Variants in CDH13 observed in about 807,000 individuals in gnomAD.
The protein encoded by CDH13 is cadherin-13.
CDH13 carries 24 observed loss-of-function variants against 63.8 expected under a neutral mutation model. That is an observed-to-expected ratio of 0.38 (90% confidence interval 0.27 to 0.53). The LOEUF is 0.53. Ranked by LOEUF, CDH13 falls within the 20% of genes least tolerant of loss-of-function variation. The pLI is 0.85. For synonymous variants in CDH13, 503 were observed against 355.3 expected (o/e 1.42, Z -4.67); for missense variants, 1,049 against 903.1 (o/e 1.16, Z -2.07).
intron 1 of CDH13, chr16:82,723,236 AG>A (rs745735936): frequency 1.4e-4 from 21 of 152,286 alleles, no homozygotes; most frequent in Non-Finnish European, 2.9e-4. Context: ...CCGTGTATGT[AG>A]GTGGCACTCT....
chr16:83,098,528 T>C (rs2034315725), intron 3 of CDH13, among the ~76,000 whole-genome samples: 1 of 152,244 alleles, frequency 6.6e-6, no homozygotes, highest in Non-Finnish European at 1.5e-5. Context: ...TTTCTTACAA[T>C]GAGGTTCTGC....
At chr16:83,352,424 T>C (rs1174121928) in intron 6 of CDH13, among the ~76,000 whole-genome samples, 3 of 152,142 alleles carry the variant, frequency 2.0e-5, no homozygotes, top group Non-Finnish European at 4.4e-5. Flanking sequence ...TCAAAAAACT[T>C]AGAATAGAAC....
At chr16:83,794,899 C>A in intron 13 of CDH13, 124 bp from the exon 14 acceptor site, 1 of 863,658 alleles carries the variant, frequency 1.2e-6, no homozygotes, top group Non-Finnish European at 1.9e-6. Context: ...AAAATTCCCC[C>A]ATAGTCGTGT....
chr16:82,697,824 T>A (rs577531571), intron 1 of CDH13, among the ~76,000 whole-genome samples: 1 of 151,712 alleles, frequency 6.6e-6, no homozygotes, highest in Non-Finnish European at 1.5e-5. Context: ...AGCCAAATGG[T>A]TTTGAATATA....
intron 7 of CDH13, among the ~76,000 whole-genome samples, chr16:83,575,844 A>G (rs745579341): frequency 3.7e-4 from 57 of 152,318 alleles, no homozygotes; most frequent in South Asian, 6.2e-4. Context: ...TAGTTTGTGT[A>G]AGAGCAAGGT....
chr16:83,386,211 T>A (rs1009382182), intron 6 of CDH13, among the ~76,000 whole-genome samples: 2 of 152,318 alleles, frequency 1.3e-5, no homozygotes, highest in African/African-American at 4.8e-5. Flanking sequence ...ATGACAAGAA[T>A]TAACCAGCCC....
chr16:83,423,644 A>T (rs142405243), intron 6 of CDH13, among the ~76,000 whole-genome samples: 8 of 152,346 alleles, frequency 5.3e-5, no homozygotes, highest in Non-Finnish European at 1.0e-4. Flanking sequence ...ATACTCCCAG[A>T]GGCAACTGCA....
intron 6 of CDH13, among the ~76,000 whole-genome samples, chr16:83,457,344 G>C (rs1044176774): frequency 6.6e-6 from 1 of 152,028 alleles, no homozygotes; most frequent in African/African-American, 2.4e-5. Flanking sequence ...TGATCACCAT[G>C]GTGGGCAGCC....
chr16:83,384,666 AG>A (rs960497863), intron 6 of CDH13, among the ~76,000 whole-genome samples: 2 of 152,176 alleles, frequency 1.3e-5, no homozygotes, highest in African/African-American at 4.8e-5. Flanking sequence ...GGGTATGGAG[AG>A]GGGAGAGTGG....
chr16:83,128,351 C>A (rs992378918), intron 4 of CDH13, among the ~76,000 whole-genome samples: 15 of 152,176 alleles, frequency 9.9e-5, no homozygotes, highest in African/African-American at 3.6e-4. Flanking sequence ...TTTCATGTCC[C>A]ACCCCAAAAC....
At chr16:83,306,972 C>T (rs1419133123) in intron 5 of CDH13, among the ~76,000 whole-genome samples, 3 of 152,156 alleles carry the variant, frequency 2.0e-5, no homozygotes, top group Non-Finnish European at 4.4e-5. Flanking sequence ...GTTTCCTGAG[C>T]CTCTAGATAG....
chr16:83,392,305 C>A (rs1277717028), intron 6 of CDH13, among the ~76,000 whole-genome samples: 2 of 152,116 alleles, frequency 1.3e-5, no homozygotes, highest in South Asian at 4.1e-4. Context: ...GCCTCCTTAG[C>A]GCCGTGCCTC....
rs143651989 is a variant in CDH13, at chr16:82,916,176, G to T, written c.157+57703G>T. Reference sequence around the variant, plus strand: ...TTATTTGTCACTTTCAATATACATCGATTGCCATGCTTAAGATGCAATATG... The same window carrying T: ...TTATTTGTCACTTTCAATATACATCTATTGCCATGCTTAAGATGCAATATG... On this transcript the variant is annotated intron_variant, in intron 2 of 13. Coordinates refer to ENST00000567109, the MANE Select transcript of CDH13 (RefSeq NM_001257.5). Among the ~76,000 whole-genome samples, 1,076 of 152,112 alleles carry T rather than the reference G, an allele frequency of 7.1e-3. 7 individuals are homozygous for T. Among genetic ancestry groups the T allele is most frequent in the Middle Eastern group, 0.017 (5 of 294 alleles).
intron 2 of CDH13, among the ~76,000 whole-genome samples, chr16:83,017,280 A>G (rs1451809982): frequency 1.3e-5 from 2 of 152,142 alleles, no homozygotes; most frequent in Non-Finnish European, 2.9e-5. Context: ...TTGCTGATGG[A>G]TTTAATTACT....
intron 3 of CDH13, among the ~76,000 whole-genome samples, chr16:83,111,857 A>G (rs994019277): frequency 1.3e-5 from 2 of 152,230 alleles, no homozygotes; most frequent in African/African-American, 4.8e-5. Context: ...AAAATAAACT[A>G]TATGAACTTC....
At chr16:83,353,251 G>C (rs1301871365) in intron 6 of CDH13, among the ~76,000 whole-genome samples, 1 of 152,264 alleles carries the variant, frequency 6.6e-6, no homozygotes, top group African/African-American at 2.4e-5. Flanking sequence ...TCTTTGCCAA[G>C]TTGCTCCTAA....
chr16:83,707,675 C>G (rs374845189), intron 10 of CDH13, among the ~76,000 whole-genome samples: 3 of 151,676 alleles, frequency 2.0e-5, no homozygotes, highest in Non-Finnish European at 4.4e-5. Context: ...GTATCATATC[C>G]CTGACATGCC....
Position 83,128,708 on chromosome 16 carries a change from G to C in CDH13, c.483+3207G>C, listed in dbSNP as rs959780481. ...AATTTTCTCACAAGCCTCTTTTCTT[G>C]AGCTATTCAATGGGTCCATAAGCAT... On this transcript the variant is annotated intron_variant, in intron 4 of 13. Coordinates refer to ENST00000567109, the MANE Select transcript of CDH13 (RefSeq NM_001257.5). Among the ~76,000 whole-genome samples, 4 of 152,148 alleles carry C rather than the reference G, an allele frequency of 2.6e-5. No homozygotes were observed. In the East Asian group the frequency reaches 7.7e-4, roughly 29 times the overall value.
At chr16:83,256,815 A>T (rs907154727) in intron 5 of CDH13, among the ~76,000 whole-genome samples, 1 of 138,624 alleles carries the variant, frequency 7.2e-6, no homozygotes, top group Admixed American at 8.0e-5. Context: ...ACTGCACTCC[A>T]GCCTGGGCGA....
Sources: allele counts gnomAD v4.1 joint callset (sites outside exome capture counted in the v4.1 genomes callset), GRCh38; gene constraint gnomAD v4.1.1; transcripts MANE v1.5; gene names NCBI Gene and HGNC (gene_info 2026-07-23, HGNC 2026-07-21).